Variants in HNRNPU observed in about 807,000 individuals in gnomAD.
HNRNPU encodes the protein HNRNPU antisense RNA 1.
In HNRNPU, 5 loss-of-function variants were observed where a neutral mutation model predicts 94.7. The observed-to-expected ratio is 0.05, with a 90% CI of 0.03 to 0.11. HNRNPU has a LOEUF of 0.11. Among genes scored for constraint, HNRNPU ranks in the 10% least tolerant of loss-of-function variants. The pLI, the probability that HNRNPU is intolerant of heterozygous loss-of-function variation, is 1.00. For missense variants in HNRNPU, 710 were observed against 1,049.2 expected (o/e 0.68, Z 4.47); for synonymous variants, 434 against 381.6 (o/e 1.14, Z -1.60).
chr1:244,855,963 C>A lies in HNRNPU; in HGVS notation c.2108G>T (p.Gly703Val), dbSNP rs1680668786. The A allele has an allele frequency of 6.2e-7, 1 of 1,614,002 alleles. No homozygotes were observed. The highest frequency in any genetic ancestry group is 8.5e-7 in the Non-Finnish European group (1 of 1,180,004). ...NKSGKNQFNR[G>V]GGHRGRGGFN... is the part of the protein sequence containing the mutation. ...TCCTCCACGTCCTCTATGGCCACCACCTCTGTTAAACTGGTTCTTGCCACT... is the reference window on the plus strand; with the variant it reads ...TCCTCCACGTCCTCTATGGCCACCAACTCTGTTAAACTGGTTCTTGCCACT... The change falls in exon 11 of 14, where the codon GGT (glycine) becomes GTT (valine). Residue 703 changes from glycine to valine, a missense_variant. This residue lies in a region of HNRNPU where 152 missense variants were observed against 238.9 expected (regional missense o/e 0.64). Transcript: ENST00000640218.
rs932199477 is a variant in HNRNPU at position 244,850,779 on chromosome 1, ACT to A, written c.*3669_*3670del. 2 of 152,046 alleles carry A rather than the reference ACT, an allele frequency of 1.3e-5. No individual in the cohort carries two copies. The highest frequency in any genetic ancestry group is 4.8e-5 in the African/African-American group (2 of 41,384). The allele number at this position is 152,046 out of a possible 1,614,324, so 9.4% of individuals were successfully genotyped here. A position where few individuals can be genotyped will look rare whatever the true frequency, so the allele number is the denominator to read the frequency against. The stretch of plus-strand genomic sequence containing the variant: ...AAACTTAAACCCAATTATTCACCAA[ACT>A]CTGAACACCTCAACCTCAGAGCTCC... On this transcript the variant is annotated 3_prime_UTR_variant, in exon 14 of 14. Transcript: ENST00000640218.
At chr1:244,860,566 T>C in intron 3 of HNRNPU, 92 bp from the exon 4 acceptor site, 1 of 958,960 alleles carries the variant, frequency 1.0e-6, no homozygotes, top group Non-Finnish European at 1.6e-6. Context: ...TTTTTGCATG[T>C]ACTTCTTAAT....
intron 3 of HNRNPU, chr1:244,860,935 C>G (rs1248885535): frequency 6.1e-6 from 1 of 164,228 alleles, no homozygotes; most frequent in Non-Finnish European, 1.3e-5. Context: ...CACCAGGGCT[C>G]TAGCTCCTAA....
chr1:244,864,071 C>G lies in HNRNPU; in HGVS notation c.237G>C (p.Ala79=). The G allele has an allele frequency of 6.2e-7, 1 of 1,602,516 alleles. No homozygotes were observed. The highest frequency in any genetic ancestry group is 8.5e-7 in the Non-Finnish European group (1 of 1,174,912). Residue 79 remains alanine, a synonymous_variant, in exon 1 of 14, where the codon GCG becomes GCC. Transcript: ENST00000640218. ...RSGAGLEQEA[A]AGGDEEEEEE... is the part of the protein sequence containing the mutation. ...CCTCCTCCTCTTCATCGCCGCCGGC[C>G]GCGGCCTCCTGCTCGAGGCCTGCTC...
intron 9 of HNRNPU, 48 bp downstream of exon 9, chr1:244,856,680 T>C (rs772050748): frequency 1.8e-5 from 29 of 1,604,902 alleles, no homozygotes; most frequent in Non-Finnish European, 2.5e-5. Flanking sequence ...TACACCAATC[T>C]ATCTAAATTA....
intron 3 of HNRNPU, chr1:244,861,462 C>G (rs1446120441): frequency 1.3e-5 from 2 of 152,208 alleles, no homozygotes; most frequent in East Asian, 3.8e-4. Flanking sequence ...ACTCCTTTTT[C>G]ACCTGCAGTT....
rs1449208904 is a variant in HNRNPU, at chr1:244,854,893, C to G, written c.2424+80G>C. On this transcript the variant is annotated intron_variant, in intron 13 of 13. Transcript: ENST00000640218. Reference sequence around the variant, plus strand: ...ACTTATAAACACTTCAATCCCTGAACAAGATCTTTTTCAAGACTGATAAAT... The same window carrying G: ...ACTTATAAACACTTCAATCCCTGAAGAAGATCTTTTTCAAGACTGATAAAT... 5.3e-6 allele frequency: 6 copies of G among 1,140,432 alleles called. No homozygotes were observed. In the African/African-American group the frequency reaches 9.1e-5, roughly 17 times the overall value. 70.6% of individuals were successfully genotyped at this position (1,140,432 alleles called of 1,614,324 possible). A position where few individuals can be genotyped will look rare whatever the true frequency, so the allele number is the denominator to read the frequency against.
Position 244,853,907 on chromosome 1 carries a change from T to C in HNRNPU, c.*543A>G, listed in dbSNP as rs905261350. The stretch of plus-strand genomic sequence containing the variant: ...TTATTTTAAGAAAAAACCTTCCCAG[T>C]TATTGTCAGAAACTATGATTTAGCT... On this transcript the variant is annotated 3_prime_UTR_variant, in exon 14 of 14. Coordinates refer to ENST00000640218, the MANE Select transcript of HNRNPU (RefSeq NM_031844.3). 1 of 152,772 alleles carries C rather than the reference T, an allele frequency of 6.5e-6. No homozygotes were observed. Among genetic ancestry groups the C allele is most frequent in the Non-Finnish European group, 1.5e-5 (1 of 68,090 alleles). The allele number at this position is 152,772 out of a possible 1,614,324, so 9.5% of individuals were successfully genotyped here. A position where few individuals can be genotyped will look rare whatever the true frequency, so the allele number is the denominator to read the frequency against.
rs1680752509 is a variant in HNRNPU, at chr1:244,858,917, G to A, written c.1118-76C>T. The A allele has an allele frequency of 4.2e-6, 3 of 713,250 alleles. No individual in the cohort carries two copies. In the South Asian group the frequency reaches 5.0e-5, roughly 12 times the overall value. The allele number at this position is 713,250 out of a possible 1,614,324, so 44.2% of individuals were successfully genotyped here. The stretch of plus-strand genomic sequence containing the variant: ...ACTCATCTATTTTACTACTTAAGAT[G>A]TAGGCTACAAGAGAAATAAGCATAT... On this transcript the variant is annotated intron_variant, in intron 5 of 13. Transcript: ENST00000640218.
rs764150176 is a variant in HNRNPU, at chr1:244,863,726, G to T, written c.582C>A (p.Phe194Leu). 3 of 1,566,834 alleles carry T rather than the reference G, an allele frequency of 1.9e-6. No homozygotes were observed. Among genetic ancestry groups the T allele is most frequent in the South Asian group, 1.1e-5 (1 of 87,196 alleles). Residue 194 changes from phenylalanine to leucine, a missense_variant, in exon 1 of 14, where the codon TTC (phenylalanine) becomes TTA (leucine). Around this residue, in one of 8 missense-constraint regions of HNRNPU, gnomAD observed 292 missense variants for 293.4 expected, o/e 1.00. Transcript: ENST00000640218. ...AGKSSGPTSL[F>L]AVTVAPPGAR... ...CCCCGGGCGGCGCCACCGTCACCGC[G>T]AACAGCGAGGTGGGGCCGCTGCTCT...
intron 1 of HNRNPU, chr1:244,863,036 C>A (rs1009772195): frequency 5.7e-5 from 19 of 335,668 alleles, no homozygotes; most frequent in Non-Finnish European, 8.2e-5. Context: ...GGGGCCGAGC[C>A]CGGCGCGGCG....
intron 4 of HNRNPU, 98 bp downstream of exon 4, chr1:244,860,237 G>C: frequency 2.1e-6 from 2 of 973,378 alleles, no homozygotes; most frequent in Non-Finnish European, 3.1e-6. Context: ...GGACGCGGAG[G>C]TTGCAGTGAG....
At position 244,856,749 on chromosome 1, in the gene HNRNPU, C is replaced by T; in HGVS notation, c.1722G>A (p.Lys574=). The T allele has an allele frequency of 1.2e-6, 2 of 1,610,980 alleles. No homozygotes were observed. Among genetic ancestry groups the T allele is most frequent in the Admixed American group, 1.7e-5 (1 of 59,292 alleles). ...GKFIEIAARK[K]RNFILDQTNV... ...GTACCTGATCCAGAATAAAATTTCG[C>T]TTCTTTCGGGCAGCAATCTCAATAA... Residue 574 remains lysine, a synonymous_variant, in exon 9 of 14, where the codon AAG becomes AAA. Coordinates refer to ENST00000640218, the MANE Select transcript of HNRNPU (RefSeq NM_031844.3).
chr1:244,858,761 A>T lies in HNRNPU; in HGVS notation c.1198T>A (p.Phe400Ile). The T allele has an allele frequency of 6.3e-7, 1 of 1,595,580 alleles. No individual in the cohort carries two copies. Among genetic ancestry groups the T allele is most frequent in the Non-Finnish European group, 8.6e-7 (1 of 1,163,918 alleles). The change falls in exon 6 of 14, where the codon TTT becomes ATT. Residue 400 changes from phenylalanine to isoleucine, a missense_variant. By Grantham distance (21) the Phe-to-Ile change is conservative. Around this residue, in one of 8 missense-constraint regions of HNRNPU, gnomAD observed 150 missense variants for 187.9 expected, o/e 0.80. Transcript: ENST00000640218. ...NCETEDYGEKFDENDVITCFA... is the reference protein window; with the variant it reads ...NCETEDYGEKIDENDVITCFA... ...CATGTAATCACATCATTTTCATCAA[A>T]CTTTTCTCCATAATCTTCAGTCTCA...
chr1:244,859,169 T>G, intron 5 of HNRNPU, 106 bp downstream of exon 5: 1 of 647,362 alleles, frequency 1.5e-6, no homozygotes, highest in Non-Finnish European at 2.8e-6. Context: ...ATTAACAGAA[T>G]AGATAAAAAC....
intron 8 of HNRNPU, 81 bp from the exon 9 acceptor site, chr1:244,856,937 A>AC: frequency 1.7e-6 from 2 of 1,151,498 alleles, no homozygotes; most frequent in Non-Finnish European, 2.5e-6. Flanking sequence ...TCATATCTAT[A>AC]TGTAAAGCAG....
chr1:244,862,942 CGAT>C (rs1680878698), intron 1 of HNRNPU: 3 of 582,058 alleles, frequency 5.2e-6, no homozygotes, highest in Non-Finnish European at 9.2e-6. Flanking sequence ...CCAGTCTCCT[CGAT>C]GATTCGAGAA....
Position 244,853,040 on chromosome 1 carries a change from C to T in HNRNPU, c.*1410G>A, listed in dbSNP as rs1680588114. 6.6e-6 allele frequency: 1 copy of T among 152,554 alleles called. No homozygotes were observed. Among genetic ancestry groups the T allele is most frequent in the Admixed American group, 6.5e-5 (1 of 15,274 alleles). The allele number at this position is 152,554 out of a possible 1,614,324, so 9.5% of individuals were successfully genotyped here. A position where few individuals can be genotyped will look rare whatever the true frequency, so the allele number is the denominator to read the frequency against. On this transcript the variant is annotated 3_prime_UTR_variant, in exon 14 of 14. Coordinates refer to ENST00000640218, the MANE Select transcript of HNRNPU (RefSeq NM_031844.3). The stretch of plus-strand genomic sequence containing the variant: ...CTTGCATGATGGCTTCTAAAAGCAT[C>T]TGATCCCAGAGTTTCATGTATCATA...
intron 4 of HNRNPU, chr1:244,860,112 C>CT: frequency 2.3e-6 from 1 of 429,712 alleles, no homozygotes; most frequent in South Asian, 5.0e-5. Flanking sequence ...CCAGCCTGGC[C>CT]TACGTGGTGA....
Sources: gnomAD v4.1 joint callset for allele counts on GRCh38, gnomAD v4.1.1 for gene constraint, gnomAD v4.1.1 regional missense constraint, MANE v1.5 for transcripts, NCBI Gene and HGNC (gene_info 2026-07-23, HGNC 2026-07-21) for gene names.